Variants in RTL4 observed in about 807,000 individuals in gnomAD.
RTL4 encodes retrotransposon Gag-like protein 4.
RTL4 carries 4 observed loss-of-function variants against 5.3 expected under a neutral mutation model. The observed-to-expected ratio is 0.75, with a 90% confidence interval of 0.37 to 1.72. The LOEUF is 1.72. Ranked by LOEUF, RTL4 falls within the 40% of genes most tolerant of loss-of-function variation. The pLI, the probability that RTL4 is intolerant of heterozygous loss-of-function variation, is 0.04. For synonymous variants in RTL4, 98 were observed against 87.3 expected, an observed-to-expected ratio of 1.12 and a Z score of -0.68; for missense variants, 260 against 227.1, an observed-to-expected ratio of 1.14 and a Z score of -0.93.
chrX:112,232,138 GAAA>G, the RTL4 span, among the ~76,000 whole-genome samples: 312 of 111,590 alleles, frequency 2.8e-3, no homozygotes, highest in African/African-American at 9.3e-3. Flanking sequence ...ATACAGGAGG[GAAA>G]GCCTAGAAAT....
At chrX:112,376,648 G>T in the RTL4 span, among the ~76,000 whole-genome samples, 1 of 111,866 alleles carries the variant, frequency 8.9e-6, no homozygotes, top group Admixed American at 9.5e-5. Flanking sequence ...TTTACTGCAG[G>T]TTTACAGTGG....
At chrX:112,271,225 T>A in the RTL4 span, among the ~76,000 whole-genome samples, 1 of 112,595 alleles carries the variant, frequency 8.9e-6, no homozygotes, top group Non-Finnish European at 1.9e-5. Flanking sequence ...ATCAAGCAAT[T>A]CATATATAAG....
the RTL4 span, among the ~76,000 whole-genome samples, chrX:112,234,529 C>G: frequency 8.9e-6 from 1 of 111,769 alleles, no homozygotes; most frequent in Non-Finnish European, 1.9e-5. Flanking sequence ...GCTTTGGGAT[C>G]AGCTCCAGAA....
the RTL4 span, among the ~76,000 whole-genome samples, chrX:112,109,617 T>C: frequency 8.9e-6 from 1 of 111,866 alleles, no homozygotes; most frequent in Non-Finnish European, 1.9e-5. Context: ...TCTAGCTAGC[T>C]ACAGAGGGCT....
chrX:112,250,105 T>G, the RTL4 span, among the ~76,000 whole-genome samples: 1 of 108,892 alleles, frequency 9.2e-6, no homozygotes, highest in Non-Finnish European at 1.9e-5. Context: ...TGAAACCCCG[T>G]CTCTACTAAA....
At chrX:112,085,973 T>C in the RTL4 span, among the ~76,000 whole-genome samples, 1 of 111,723 alleles carries the variant, frequency 9.0e-6, no homozygotes, top group Admixed American at 9.5e-5. Context: ...GAGTAGGGTA[T>C]TGATTATAGC....
the RTL4 span, among the ~76,000 whole-genome samples, chrX:112,292,114 C>T: frequency 5.4e-5 from 6 of 111,649 alleles, no homozygotes; most frequent in South Asian, 2.3e-3. Context: ...TTAATCTTGT[C>T]AATAACCTCT....
chrX:112,419,029 A>AAGAT, the RTL4 span, among the ~76,000 whole-genome samples: 1 of 15,471 alleles, frequency 6.5e-5, no homozygotes, highest in African/African-American at 1.3e-4. Context: ...AATTTCACAT[A>AAGAT]AGATATATAT....
chrX:112,426,851 A>T, the RTL4 span, among the ~76,000 whole-genome samples: 3 of 111,124 alleles, frequency 2.7e-5, no homozygotes, highest in African/African-American at 9.8e-5. Flanking sequence ...CATGTTCTGC[A>T]CTTGCATCCC....
the RTL4 span, among the ~76,000 whole-genome samples, chrX:112,163,869 C>T: frequency 6.7e-3 from 746 of 111,541 alleles, 8 homozygotes; most frequent in African/African-American, 0.022. Context: ...TCACAATGCT[C>T]TCCCACTCTG....
At chrX:112,329,378 T>C in the RTL4 span, among the ~76,000 whole-genome samples, 8 of 111,394 alleles carry the variant, frequency 7.2e-5, no homozygotes, top group African/African-American at 2.3e-4. Flanking sequence ...ATACTACAAA[T>C]ACCTCTACGC....
chrX:112,216,257 G>A, the RTL4 span, among the ~76,000 whole-genome samples: 1 of 111,633 alleles, frequency 9.0e-6, no homozygotes, highest in Admixed American at 9.5e-5. Context: ...CTGAGTGGAA[G>A]TTTGAAGTAG....
At chrX:112,369,906 C>A in the RTL4 span, among the ~76,000 whole-genome samples, 1 of 111,973 alleles carries the variant, frequency 8.9e-6, no homozygotes, top group Non-Finnish European at 1.9e-5. Flanking sequence ...TTGAATGTGG[C>A]TGCAAGAGTG....
At chrX:112,371,239 G>A in the RTL4 span, among the ~76,000 whole-genome samples, 6 of 110,745 alleles carry the variant, frequency 5.4e-5, 1 homozygote, top group East Asian at 2.9e-4. Flanking sequence ...AAAAAACATC[G>A]GTAGTTGGGG....
the RTL4 span, among the ~76,000 whole-genome samples, chrX:112,088,141 G>A: frequency 2.6e-4 from 28 of 108,782 alleles, no homozygotes; most frequent in East Asian, 6.4e-3. Context: ...ATGAGACACC[G>A]CGCCTGGCTC....
At chrX:112,236,567 G>T in the RTL4 span, among the ~76,000 whole-genome samples, 1 of 100,214 alleles carries the variant, frequency 1.0e-5, no homozygotes, top group African/African-American at 3.6e-5. Flanking sequence ...TATATATATA[G>T]TCAAACTAAT....
the RTL4 span, among the ~76,000 whole-genome samples, chrX:112,231,108 A>G: frequency 1.8e-5 from 2 of 110,843 alleles, no homozygotes; most frequent in African/African-American, 6.6e-5. Flanking sequence ...AAATAGGAAC[A>G]CTTTTACACT....
chrX:112,111,530 A>G, the RTL4 span, among the ~76,000 whole-genome samples: 2 of 112,800 alleles, frequency 1.8e-5, no homozygotes, highest in African/African-American at 6.4e-5. Context: ...GTTCCCCCAG[A>G]GGTTAGGAAC....
At chrX:112,228,481 CCA>C in the RTL4 span, among the ~76,000 whole-genome samples, 5 of 112,457 alleles carry the variant, frequency 4.4e-5, no homozygotes, top group East Asian at 1.4e-3. Flanking sequence ...GAAATGATTA[CCA>C]CAGTCAAATT....
Sources: gnomAD v4.1 joint callset for allele counts (sites outside exome capture counted in the v4.1 genomes callset) on GRCh38, gnomAD v4.1.1 for gene constraint, MANE v1.5 for transcripts, NCBI Gene and HGNC (gene_info 2026-07-23, HGNC 2026-07-21) for gene names.